The following MACROD2 variants were observed in gnomAD, a reference collection of about 807,000 sequenced individuals.
MACROD2 encodes the protein mono-ADP ribosylhydrolase 2, also known as ADP-ribose glycohydrolase MACROD2.
A neutral mutation model predicts 70.4 loss-of-function variants in MACROD2; 36 were observed. The observed-to-expected ratio is 0.51, with a 90% CI of 0.39 to 0.68. MACROD2 has a LOEUF of 0.68. Among genes scored for constraint, MACROD2 ranks in the 30% least tolerant of loss-of-function variants. The pLI, the probability that MACROD2 is intolerant of heterozygous loss-of-function variation, is 0.00. For missense variants in MACROD2, 496 were observed against 538.4 expected (o/e 0.92, Z 0.78); for synonymous variants, 172 against 178.8 (o/e 0.96, Z 0.30).
At chr20:15,741,253 G>A (rs113700545) in intron 8 of MACROD2, among the ~76,000 whole-genome samples, 72 of 143,976 alleles carry the variant, frequency 5.0e-4, no homozygotes, top group Non-Finnish European at 8.5e-4. Flanking sequence ...CACCACACCC[G>A]GCTAATTTTT....
At chr20:14,976,573 T>C (rs1260102118) in intron 5 of MACROD2, among the ~76,000 whole-genome samples, 1 of 152,132 alleles carries the variant, frequency 6.6e-6, no homozygotes, top group Non-Finnish European at 1.5e-5. Context: ...CTTTCGCATA[T>C]AAGGTGACAT....
chr20:15,306,427 G>A (rs1185590557), intron 6 of MACROD2, among the ~76,000 whole-genome samples: 3 of 152,134 alleles, frequency 2.0e-5, no homozygotes, highest in Non-Finnish European at 4.4e-5. Context: ...AATCCTTCCA[G>A]TAGTCCTAAA....
At chr20:15,114,116 G>A (rs2123229249) in intron 5 of MACROD2, among the ~76,000 whole-genome samples, 1 of 152,270 alleles carries the variant, frequency 6.6e-6, no homozygotes, top group East Asian at 1.9e-4. Flanking sequence ...CTTTGAGAGA[G>A]GTGAATGTGC....
At chr20:14,943,549 G>A (rs1353521249) in intron 5 of MACROD2, among the ~76,000 whole-genome samples, 1 of 152,036 alleles carries the variant, frequency 6.6e-6, no homozygotes, top group Non-Finnish European at 1.5e-5. Flanking sequence ...TTGTCAAGAT[G>A]TATTTTATTT....
chr20:14,598,710 A>G (rs561602974), intron 4 of MACROD2, among the ~76,000 whole-genome samples: 1 of 152,336 alleles, frequency 6.6e-6, no homozygotes, highest in East Asian at 1.9e-4. Flanking sequence ...AAGTGTATAC[A>G]AGAAATGTAG....
chr20:14,818,411 G>A (rs190776291), intron 5 of MACROD2, among the ~76,000 whole-genome samples: 10 of 152,190 alleles, frequency 6.6e-5, no homozygotes, highest in Admixed American at 2.0e-4. Context: ...GTCTTAGCCC[G>A]CTGGTCTCTG....
In MACROD2 at chr20:15,162,993, A is replaced by G. The variant is rs202195473; in HGVS notation, c.419-66947A>G. On this transcript the variant is annotated intron_variant, in intron 5 of 17. Transcript: ENST00000684519. ...AGATACAACAAATAAACAGAATACC[A>G]TGGCAGGTAAGCTGAAAGGTAGATG... 1.1e-4 allele frequency among the ~76,000 whole-genome samples: 16 copies of G among 152,242 alleles called. No homozygotes were observed. In the East Asian group the frequency reaches 2.5e-3, roughly 24 times the overall value.
chr20:14,550,162 A>G (rs1978559172), intron 4 of MACROD2, among the ~76,000 whole-genome samples: 1 of 152,046 alleles, frequency 6.6e-6, no homozygotes, highest in East Asian at 1.9e-4. Flanking sequence ...ACCTCAGGTG[A>G]TCCGCCTGCC....
chr20:14,934,560 G>T (rs1470608219), intron 5 of MACROD2, among the ~76,000 whole-genome samples: 3 of 152,184 alleles, frequency 2.0e-5, no homozygotes, highest in Non-Finnish European at 4.4e-5. Context: ...GCTGAGGCGG[G>T]TCGATCACTT....
chr20:15,830,951 G>C (rs115844203), intron 8 of MACROD2, among the ~76,000 whole-genome samples: 40 of 152,262 alleles, frequency 2.6e-4, no homozygotes, highest in African/African-American at 9.4e-4. Context: ...TTTCTGTTCA[G>C]GGAAAGGCCT....
chr20:16,014,417 A>G (rs1393525507), intron 15 of MACROD2, among the ~76,000 whole-genome samples: 1 of 152,264 alleles, frequency 6.6e-6, no homozygotes, highest in Non-Finnish European at 1.5e-5. Context: ...GGAAGAAGTT[A>G]GAAGAATACC....
chr20:15,893,983 T>G (rs2064929898), intron 10 of MACROD2: 1 of 455,604 alleles, frequency 2.2e-6, no homozygotes, highest in African/African-American at 2.0e-5. Flanking sequence ...TGGGCAGGAA[T>G]AGCTGGGCTC....
intron 3 of MACROD2, among the ~76,000 whole-genome samples, chr20:14,205,048 CTG>C (rs950121530): frequency 6.6e-6 from 1 of 152,134 alleles, no homozygotes; most frequent in Non-Finnish European, 1.5e-5. Flanking sequence ...ACTTAAAAAA[CTG>C]TTTCAGATTT....
chr20:14,555,526 C>T (rs1002889556), intron 4 of MACROD2, among the ~76,000 whole-genome samples: 6 of 151,942 alleles, frequency 3.9e-5, no homozygotes, highest in Non-Finnish European at 7.4e-5. Flanking sequence ...TAAAAGCAAA[C>T]GGAGCCCATA....
At chr20:15,790,838 A>G (rs1049097796) in intron 8 of MACROD2, among the ~76,000 whole-genome samples, 1 of 151,978 alleles carries the variant, frequency 6.6e-6, no homozygotes, top group Non-Finnish European at 1.5e-5. Context: ...TACCAGGAAC[A>G]AAATCATTAG....
chr20:14,243,418 A>G (rs1166594055), intron 3 of MACROD2, among the ~76,000 whole-genome samples: 7 of 152,172 alleles, frequency 4.6e-5, no homozygotes, highest in Admixed American at 6.5e-5. Flanking sequence ...TTGATTGAAA[A>G]TATCTGCCTA....
chr20:14,026,089 C>A (rs1405349281), intron 2 of MACROD2, among the ~76,000 whole-genome samples: 2 of 152,124 alleles, frequency 1.3e-5, no homozygotes, highest in South Asian at 4.2e-4. Flanking sequence ...ATCCCTTTAC[C>A]ATTATGTAAT....
chr20:15,841,327 A>C (rs2064168000), intron 8 of MACROD2, among the ~76,000 whole-genome samples: 3 of 152,288 alleles, frequency 2.0e-5, no homozygotes, highest in African/African-American at 7.2e-5. Context: ...GTATTAGTCC[A>C]TTCTCACATC....
intron 8 of MACROD2, among the ~76,000 whole-genome samples, chr20:15,560,655 C>T (rs1568892902): frequency 1.3e-5 from 2 of 148,244 alleles, no homozygotes; most frequent in South Asian, 2.2e-4. Context: ...CCCAGTGACT[C>T]GGGAGGCTGA....
Sources: gnomAD v4.1 joint callset for allele counts (sites outside exome capture counted in the v4.1 genomes callset) on GRCh38, gnomAD v4.1.1 for gene constraint, MANE v1.5 for transcripts, NCBI Gene and HGNC (gene_info 2026-07-23, HGNC 2026-07-21) for gene names.